Variants in CDK13 observed in about 807,000 individuals in gnomAD.
The protein encoded by CDK13 is cyclin-dependent kinase 13.
In CDK13, 40 loss-of-function variants were observed where a neutral mutation model predicts 137.6. The observed-to-expected ratio is 0.29, with a 90% CI of 0.23 to 0.38. The LOEUF (loss-of-function observed/expected upper bound fraction) is 0.38, where lower values mean the gene tolerates loss of function less well. Among genes scored for constraint, CDK13 ranks in the 10% least tolerant of loss-of-function variants. The pLI, the probability that CDK13 is intolerant of heterozygous loss-of-function variation, is 1.00. For synonymous variants in CDK13, 869 were observed against 760.1 expected (o/e 1.14, Z -2.36); for missense variants, 1,704 against 1,951.8 (o/e 0.87, Z 2.39).
At chr7:40,070,253 AAAAC>A (rs1786385007) in intron 9 of CDK13, 1 of 148,884 alleles carries the variant, frequency 6.7e-6, no homozygotes, top group Admixed American at 6.6e-5. Flanking sequence ...AATAAATAAA[AAAAC>A]AATTAGCTGA....
intron 2 of CDK13, among the ~76,000 whole-genome samples, chr7:39,988,687 T>A (rs985833534): frequency 1.3e-5 from 2 of 152,236 alleles, no homozygotes; most frequent in Admixed American, 6.5e-5. Flanking sequence ...TCAGTGATTT[T>A]GTTATCACTT....
chr7:39,968,316 C>T (rs1438285919), intron 1 of CDK13, among the ~76,000 whole-genome samples: 1 of 152,174 alleles, frequency 6.6e-6, no homozygotes, highest in African/African-American at 2.4e-5. Flanking sequence ...AAACTAATGT[C>T]ATGGAGCTTT....
intron 12 of CDK13, chr7:40,092,232 A>G (rs1281150302): frequency 6.6e-6 from 1 of 152,354 alleles, no homozygotes; most frequent in Non-Finnish European, 1.5e-5. Flanking sequence ...TTTTAGAGAA[A>G]GTACGGTGTA....
chr7:40,014,243 A>G (rs753510699), intron 5 of CDK13, among the ~76,000 whole-genome samples: 3 of 151,066 alleles, frequency 2.0e-5, no homozygotes, highest in Admixed American at 1.3e-4. Context: ...TAATTTTTGT[A>G]TTTTTAATGG....
chr7:39,987,732 C>T lies in CDK13; in HGVS notation c.1345C>T (p.Leu449=), dbSNP rs866555101. Residue 449 remains leucine (L), a synonymous_variant, in exon 2 of 14, where the codon CTG becomes TTG. Transcript: ENST00000181839. ...TAGCACACTAACTCTGAAGAGTAGC[C>T]TGGCAGCTGAATTGAACAAGAATAA... is the stretch of plus-strand genomic sequence containing the variant. ...SPSTLTLKSS[L]AAELNKNKKA... is the part of the protein sequence containing the mutation. 1.2e-6 allele frequency: 2 copies of T among 1,614,062 alleles called. No homozygotes were observed. Among genetic ancestry groups the T allele is most frequent in the Middle Eastern group, 3.3e-4 (2 of 6,062 alleles).
At chr7:40,058,629 TGTG>T (rs1245157451) in intron 7 of CDK13, among the ~76,000 whole-genome samples, 1 of 152,086 alleles carries the variant, frequency 6.6e-6, no homozygotes, top group Non-Finnish European at 1.5e-5. Flanking sequence ...AAGATATTGT[TGTG>T]GTCATACCAG....
In CDK13 at chr7:40,001,919, T is replaced by C. The variant is rs753983903; in HGVS notation, c.2241T>C (p.Ile747=). ...RLDNEKEGFP[I]TAIREIKILR... is the part of the protein sequence containing the mutation. ...ATAATGAAAAGGAAGGCTTTCCAAT[T>C]ACAGCAATTCGAGAAATTAAAATTC... Residue 747 remains isoleucine, a synonymous_variant, in exon 5 of 14, where the codon ATT becomes ATC. Coordinates refer to ENST00000181839, the MANE Select transcript of CDK13 (RefSeq NM_003718.5). The C allele has an allele frequency of 1.9e-6, 3 of 1,611,226 alleles. No homozygotes were observed. The Admixed American group carries it at 5.0e-5, about 27-fold the overall frequency.
intron 1 of CDK13, among the ~76,000 whole-genome samples, chr7:39,982,165 C>A (rs1201122042): frequency 6.8e-6 from 1 of 147,232 alleles, no homozygotes; most frequent in East Asian, 2.0e-4. Context: ...TCCCTCCCCC[C>A]TCCCCCTACC....
intron 7 of CDK13, among the ~76,000 whole-genome samples, chr7:40,055,630 G>T (rs999206346): frequency 1.3e-5 from 2 of 150,698 alleles, no homozygotes; most frequent in African/African-American, 4.9e-5. Context: ...CCAGGCTGGG[G>T]TGCAGTGGTG....
intron 1 of CDK13, among the ~76,000 whole-genome samples, chr7:39,953,996 C>G (rs1339043613): frequency 6.6e-6 from 1 of 152,200 alleles, no homozygotes; most frequent in Non-Finnish European, 1.5e-5. Flanking sequence ...AGCATGCAGC[C>G]TTACAGAAAT....
chr7:40,077,003 G>A (rs922931184), intron 9 of CDK13, among the ~76,000 whole-genome samples: 1 of 126,690 alleles, frequency 7.9e-6, no homozygotes, highest in African/African-American at 3.2e-5. Flanking sequence ...GTTTTTAAAT[G>A]TTTACCAGCT....
intron 5 of CDK13, among the ~76,000 whole-genome samples, chr7:40,024,226 G>A (rs1785189166): frequency 2.0e-5 from 3 of 152,010 alleles, no homozygotes; most frequent in Non-Finnish European, 4.4e-5. Context: ...TACCTTCAGC[G>A]CTAACCCTAC....
At chr7:39,962,528 A>G (rs1167174244) in intron 1 of CDK13, among the ~76,000 whole-genome samples, 1 of 152,164 alleles carries the variant, frequency 6.6e-6, no homozygotes, top group African/African-American at 2.4e-5. Context: ...GATTCTGAAT[A>G]TTAGCCCTTT....
At chr7:39,998,496 G>A (rs1784612363) in intron 3 of CDK13, 2 of 149,706 alleles carry the variant, frequency 1.3e-5, no homozygotes, top group South Asian at 4.3e-4. Flanking sequence ...GTGCATGCCT[G>A]TGGTTCCAGC....
intron 11 of CDK13, among the ~76,000 whole-genome samples, chr7:40,079,251 T>C (rs1786612488): frequency 6.6e-6 from 1 of 152,192 alleles, no homozygotes; most frequent in South Asian, 2.1e-4. Context: ...AAACCCCGTC[T>C]CTACTAAAAT....
At position 39,951,742 on chromosome 7, in the gene CDK13, C is replaced by T; in HGVS notation, c.1101C>T (p.Ser367=). Residue 367 remains serine, a synonymous_variant, in exon 1 of 14, where the codon TCC becomes TCT. Coordinates refer to ENST00000181839, the MANE Select transcript of CDK13 (RefSeq NM_003718.5). ...RSPSPYSRRR[S]PSYSRHSSYE... is the part of the protein sequence containing the mutation. ...CGAGCCCCTACAGTCGCCGCCGCTC[C>T]CCCAGCTACAGCCGCCACAGCTCCT... 1 of 1,493,796 alleles carries T rather than the reference C, an allele frequency of 6.7e-7. No homozygotes were observed. Among genetic ancestry groups the T allele is most frequent in the Non-Finnish European group, 8.8e-7 (1 of 1,132,662 alleles). The allele number at this position is 1,493,796 out of a possible 1,614,324, so 92.5% of individuals were successfully genotyped here. A position where few individuals can be genotyped will look rare whatever the true frequency, so the allele number is the denominator to read the frequency against.
intron 5 of CDK13, among the ~76,000 whole-genome samples, chr7:40,007,458 G>C (rs934439152): frequency 6.6e-6 from 1 of 152,092 alleles, no homozygotes; most frequent in Non-Finnish European, 1.5e-5. Flanking sequence ...ACGGAGTCTC[G>C]CTCTGTCACC....
rs1369113889 is a variant in CDK13, at chr7:39,969,166, C to G, written c.1211+17314C>G. The stretch of plus-strand genomic sequence containing the variant: ...TTGGGATTACAGGCACACACCACCA[C>G]GCCTGGCTAGTTGTTTTTGTATTTT... On this transcript the variant is annotated intron_variant, in intron 1 of 13. Coordinates refer to ENST00000181839, the MANE Select transcript of CDK13 (RefSeq NM_003718.5). Among the ~76,000 whole-genome samples, 2 of 152,076 alleles carry G rather than the reference C, an allele frequency of 1.3e-5. 1 individual carries two copies. Among genetic ancestry groups the G allele is most frequent in the South Asian group, 4.1e-4 (2 of 4,820 alleles).
chr7:40,022,714 C>A (rs1309197465), intron 5 of CDK13, among the ~76,000 whole-genome samples: 2 of 151,398 alleles, frequency 1.3e-5, no homozygotes, highest in Non-Finnish European at 2.9e-5. Context: ...GAGGAATGTC[C>A]TGATCTACCT....
Sources: allele counts gnomAD v4.1 joint callset (sites outside exome capture counted in the v4.1 genomes callset), GRCh38; gene constraint gnomAD v4.1.1; transcripts MANE v1.5; gene names NCBI Gene and HGNC (gene_info 2026-07-23, HGNC 2026-07-21).